The following ZNF521 variants were observed in gnomAD, a reference collection of about 807,000 sequenced individuals.
The protein encoded by ZNF521 is zinc finger protein 521, also known as LYST-interacting protein 3.
Under a neutral mutation model 105.5 loss-of-function variants are expected in ZNF521, and 14 were observed. The ratio of observed to expected loss-of-function variants is 0.13; its 90% CI spans 0.09 to 0.21. The LOEUF (loss-of-function observed/expected upper bound fraction) is 0.21. Among genes scored for constraint, ZNF521 ranks in the 10% least tolerant of loss-of-function variants. The pLI, the probability that ZNF521 is intolerant of heterozygous loss-of-function variation, is 1.00. For synonymous variants in ZNF521, 635 were observed against 606.0 expected (o/e 1.05, Z -0.70); for missense variants, 1,233 against 1,629.7 (o/e 0.76, Z 4.19).
intron 5 of ZNF521, among the ~76,000 whole-genome samples, chr18:25,130,197 T>G (rs2034614603): frequency 6.6e-6 from 1 of 152,190 alleles, no homozygotes; most frequent in Admixed American, 6.6e-5. Flanking sequence ...AACACATGGA[T>G]GAATCTCAAA....
chr18:25,211,310 T>C (rs2036174656), intron 4 of ZNF521, among the ~76,000 whole-genome samples: 1 of 152,186 alleles, frequency 6.6e-6, no homozygotes, highest in Non-Finnish European at 1.5e-5. Context: ...TTCTGAGTTT[T>C]GGGAGTTTTT....
chr18:25,231,879 G>C (rs1407816186), intron 3 of ZNF521, among the ~76,000 whole-genome samples: 6 of 152,200 alleles, frequency 3.9e-5, no homozygotes, highest in Admixed American at 3.3e-4. Flanking sequence ...ACTAATGTAA[G>C]AAAGTAGATG....
At chr18:25,302,587 G>T (rs1442257503) in intron 3 of ZNF521, 3 of 152,144 alleles carry the variant, frequency 2.0e-5, no homozygotes, top group Non-Finnish European at 4.4e-5. Flanking sequence ...ATTCCCTGGG[G>T]TCATATATCC....
At chr18:25,245,555 T>C (rs139964525) in intron 3 of ZNF521, among the ~76,000 whole-genome samples, 327 of 152,336 alleles carry the variant, frequency 2.1e-3, no homozygotes, top group African/African-American at 7.6e-3. Flanking sequence ...CTTTTGTAAC[T>C]TGTATTCAAG....
At chr18:25,073,886 C>T (rs1056584459) in intron 7 of ZNF521, among the ~76,000 whole-genome samples, 2 of 151,630 alleles carry the variant, frequency 1.3e-5, no homozygotes, top group Admixed American at 6.6e-5. Context: ...AACATCTTTC[C>T]CCACCGTAAG....
intron 5 of ZNF521, among the ~76,000 whole-genome samples, chr18:25,144,221 A>C (rs571246191): frequency 6.6e-6 from 1 of 152,288 alleles, no homozygotes; most frequent in South Asian, 2.1e-4. Context: ...CATAGACTAC[A>C]TTGAAAATTT....
Position 25,135,760 on chromosome 18 carries a change from T to G in ZNF521, c.3659-43679A>C, listed in dbSNP as rs190340241. ...CAGGAAAGGTGTAGGGAAATTACAT[T>G]TCCTGTTTCTTAGGAGAGTTATTAA... On this transcript the variant is annotated intron_variant, in intron 5 of 7. Coordinates refer to ENST00000361524, the MANE Select transcript of ZNF521 (RefSeq NM_015461.3). 3.9e-5 allele frequency among the ~76,000 whole-genome samples: 6 copies of G among 152,164 alleles called. No homozygotes were observed. In the East Asian group the frequency reaches 1.2e-3, roughly 30 times the overall value.
intron 3 of ZNF521, among the ~76,000 whole-genome samples, chr18:25,275,929 ACGTC>A (rs1910002634): frequency 6.6e-6 from 1 of 152,186 alleles, no homozygotes; most frequent in South Asian, 2.1e-4. Flanking sequence ...CTGCTAAAAG[ACGTC>A]CAGGGAAGCT....
intron 7 of ZNF521, among the ~76,000 whole-genome samples, chr18:25,065,498 T>C (rs1025242221): frequency 2.0e-5 from 3 of 152,196 alleles, no homozygotes; most frequent in African/African-American, 7.2e-5. Flanking sequence ...CATCTCATTA[T>C]GTATATGCAA....
intron 3 of ZNF521, among the ~76,000 whole-genome samples, chr18:25,248,650 C>T (rs1907900547): frequency 6.6e-6 from 1 of 152,314 alleles, no homozygotes; most frequent in South Asian, 2.1e-4. Flanking sequence ...CCTTTACACA[C>T]CTTTCCCACT....
At chr18:25,266,519 G>A (rs1600231998) in intron 3 of ZNF521, among the ~76,000 whole-genome samples, 2 of 152,122 alleles carry the variant, frequency 1.3e-5, no homozygotes, top group South Asian at 2.1e-4. Context: ...CACAGAAGGC[G>A]GGTGATTTCT....
intron 5 of ZNF521, among the ~76,000 whole-genome samples, chr18:25,128,303 G>C (rs1344526131): frequency 1.3e-5 from 2 of 151,816 alleles, no homozygotes; most frequent in Non-Finnish European, 2.9e-5. Flanking sequence ...ACTAGCAATA[G>C]GGGGTAACTG....
At chr18:25,116,107 T>C (rs1034925682) in intron 5 of ZNF521, among the ~76,000 whole-genome samples, 1 of 152,174 alleles carries the variant, frequency 6.6e-6, no homozygotes, top group Non-Finnish European at 1.5e-5. Context: ...GTTGTGATGG[T>C]ATTCTCCTGT....
intron 4 of ZNF521, among the ~76,000 whole-genome samples, chr18:25,214,576 T>A (rs1164660509): frequency 6.6e-6 from 1 of 152,190 alleles, no homozygotes; most frequent in Non-Finnish European, 1.5e-5. Flanking sequence ...ATCTCGAAAC[T>A]TTTGAAATGT....
intron 5 of ZNF521, among the ~76,000 whole-genome samples, chr18:25,140,461 A>C (rs2034825829): frequency 6.6e-6 from 1 of 152,220 alleles, no homozygotes; most frequent in Non-Finnish European, 1.5e-5. Flanking sequence ...CAGAGGTTTC[A>C]GCGTTTGTTA....
At chr18:25,299,541 T>C (rs145341670) in intron 3 of ZNF521, among the ~76,000 whole-genome samples, 2 of 152,138 alleles carry the variant, frequency 1.3e-5, no homozygotes, top group East Asian at 3.9e-4. Flanking sequence ...CCCTAACAGG[T>C]TTTAAAATAT....
At chr18:25,348,721 T>C (rs1914570176) in intron 2 of ZNF521, among the ~76,000 whole-genome samples, 1 of 152,222 alleles carries the variant, frequency 6.6e-6, no homozygotes, top group Admixed American at 6.5e-5. Context: ...GTGGGGAAGA[T>C]ATTTGGATAA....
At chr18:25,311,457 T>C (rs911370479) in intron 3 of ZNF521, among the ~76,000 whole-genome samples, 2 of 151,544 alleles carry the variant, frequency 1.3e-5, no homozygotes, top group African/African-American at 4.9e-5. Context: ...ATGTTAAAGG[T>C]AGCAGAGCCC....
chr18:25,153,765 T>C (rs536603226), intron 5 of ZNF521, among the ~76,000 whole-genome samples: 1 of 152,228 alleles, frequency 6.6e-6, no homozygotes, highest in African/African-American at 2.4e-5. Context: ...CATGATTGCT[T>C]TTTTTTTCTT....
Sources: gnomAD v4.1 joint callset for allele counts (sites outside exome capture counted in the v4.1 genomes callset) on GRCh38, gnomAD v4.1.1 for gene constraint, MANE v1.5 for transcripts, NCBI Gene and HGNC (gene_info 2026-07-23, HGNC 2026-07-21) for gene names.